Variants in STK10 observed in about 807,000 individuals in gnomAD.
STK10 encodes the protein serine/threonine kinase 10.
A neutral mutation model predicts 113.8 loss-of-function variants in STK10; 78 were observed. The ratio of observed to expected loss-of-function variants is 0.69; its 90% confidence interval spans 0.57 to 0.83. STK10 has a LOEUF of 0.83. STK10 is among the 40% of genes least tolerant of loss of function. STK10 has a pLI of 0.00. For missense variants in STK10, 1,109 were observed against 1,280.1 expected (o/e 0.87, Z 2.04); for synonymous variants, 465 against 494.7 (o/e 0.94, Z 0.80).
intron 3 of STK10, among the ~76,000 whole-genome samples, chr5:172,122,406 GC>G (rs1363234353): frequency 2.6e-5 from 4 of 151,936 alleles, no homozygotes; most frequent in South Asian, 4.1e-4. Context: ...CTATAGTCTT[GC>G]CTTTTTCTAA....
intron 2 of STK10, among the ~76,000 whole-genome samples, chr5:172,146,327 A>G (rs1440740031): frequency 6.6e-6 from 1 of 152,194 alleles, no homozygotes; most frequent in African/African-American, 2.4e-5. Context: ...TGCATGTGGA[A>G]TGCCAGACAC....
chr5:172,172,963 G>C (rs1333413164), intron 1 of STK10, among the ~76,000 whole-genome samples: 2 of 151,862 alleles, frequency 1.3e-5, no homozygotes, highest in Non-Finnish European at 2.9e-5. Context: ...CTGGGTGACA[G>C]AGCAAGACTC....
chr5:172,110,228 C>T (rs866303611), intron 4 of STK10, among the ~76,000 whole-genome samples: 30 of 152,236 alleles, frequency 2.0e-4, no homozygotes, highest in Admixed American at 4.6e-4. Flanking sequence ...AAGACAGGAC[C>T]GGGGCTACTC....
intron 1 of STK10, among the ~76,000 whole-genome samples, chr5:172,174,181 T>C (rs1214780971): frequency 6.6e-6 from 1 of 152,042 alleles, no homozygotes; most frequent in Non-Finnish European, 1.5e-5. Flanking sequence ...GTTGTTTAAT[T>C]TTTTTTTGAG....
chr5:172,149,169 A>T (rs1054972553), intron 2 of STK10, among the ~76,000 whole-genome samples: 6 of 152,182 alleles, frequency 3.9e-5, no homozygotes, highest in African/African-American at 1.4e-4. Flanking sequence ...AAAAGCAAAC[A>T]AACAAAACTC....
In STK10 at chr5:172,093,157, G is replaced by A. The variant is rs1768757725; in HGVS notation, c.1554+255C>T. Among the ~76,000 whole-genome samples the A allele has an allele frequency of 6.6e-6, 1 of 152,202 alleles. No homozygotes were observed. Among genetic ancestry groups the A allele is most frequent in the Non-Finnish European group, 1.5e-5 (1 of 68,046 alleles). On this transcript the variant is annotated intron_variant, in intron 9 of 18. Transcript: ENST00000176763. The surrounding 1 kb of genome is among the most constrained non-coding windows in gnomAD (Gnocchi z 4.1). ...AACTTCATTTGTAGCTAAGGCCTAA[G>A]AGTTCTCTCTCCCAAATTTTACCAG...
chr5:172,134,373 A>T (rs962697399), intron 2 of STK10, among the ~76,000 whole-genome samples: 5 of 152,176 alleles, frequency 3.3e-5, no homozygotes, highest in Non-Finnish European at 7.4e-5. Context: ...AGCTTTGGGG[A>T]TCTTCATTAT....
intron 1 of STK10, among the ~76,000 whole-genome samples, chr5:172,179,722 T>C (rs1171757644): frequency 6.6e-6 from 1 of 152,186 alleles, no homozygotes; most frequent in East Asian, 1.9e-4. Flanking sequence ...TTAAAAATAC[T>C]TGGCTGAGCG....
chr5:172,060,908 TTCTTC>T (rs1438588251), intron 14 of STK10, among the ~76,000 whole-genome samples: 1 of 152,236 alleles, frequency 6.6e-6, no homozygotes, highest in Non-Finnish European at 1.5e-5. Context: ...TTTCTTTCTT[TTCTTC>T]TCTTGACTTC....
chr5:172,105,495 G>C (rs975149097), intron 7 of STK10, 161 bp downstream of exon 7: 5 of 717,518 alleles, frequency 7.0e-6, no homozygotes, highest in Non-Finnish European at 7.0e-6. Flanking sequence ...TCCCAACACA[G>C]AGCTGGCATT....
intron 1 of STK10, among the ~76,000 whole-genome samples, chr5:172,162,210 G>A (rs933851947): frequency 1.3e-5 from 2 of 151,972 alleles, no homozygotes; most frequent in African/African-American, 4.8e-5. Context: ...GCAGGGTGGT[G>A]GGTGCCTGTA....
At chr5:172,174,661 C>A (rs1299775664) in intron 1 of STK10, among the ~76,000 whole-genome samples, 1 of 152,184 alleles carries the variant, frequency 6.6e-6, no homozygotes, top group Non-Finnish European at 1.5e-5. Context: ...CAGGCAGCTG[C>A]CACCATGGTC....
chr5:172,087,120 G>C, intron 10 of STK10, among the ~76,000 whole-genome samples: 1 of 147,570 alleles, frequency 6.8e-6, no homozygotes, highest in Non-Finnish European at 1.5e-5. Context: ...GTGTGTGTGT[G>C]TGTGTGTGTG....
At chr5:172,158,186 T>C (rs1047286284) in intron 1 of STK10, among the ~76,000 whole-genome samples, 11 of 152,032 alleles carry the variant, frequency 7.2e-5, no homozygotes, top group African/African-American at 2.7e-4. Flanking sequence ...GAATGTAAAA[T>C]GGTGCAGCCA....
chr5:172,045,503 A>G (rs530261546), intron 18 of STK10: 1 of 448,338 alleles, frequency 2.2e-6, no homozygotes, highest in African/African-American at 2.0e-5. Flanking sequence ...AACAAAAACA[A>G]AAACAAAATA....
At chr5:172,102,230 A>G (rs1769005758) in intron 7 of STK10, among the ~76,000 whole-genome samples, 1 of 152,230 alleles carries the variant, frequency 6.6e-6, no homozygotes, top group South Asian at 2.1e-4. Flanking sequence ...AAGTCTAGGC[A>G]CGTACCGAAT....
At chr5:172,168,166 A>G (rs1234717351) in intron 1 of STK10, among the ~76,000 whole-genome samples, 3 of 152,126 alleles carry the variant, frequency 2.0e-5, no homozygotes, top group African/African-American at 7.2e-5. Context: ...TGTATCAAAT[A>G]TGGTTCAGGC....
chr5:172,104,435 T>C (rs1769056600), intron 7 of STK10, among the ~76,000 whole-genome samples: 1 of 152,138 alleles, frequency 6.6e-6, no homozygotes, highest in Non-Finnish European at 1.5e-5. Flanking sequence ...CTCCCTCCAA[T>C]AGTTCAAAAA....
Position 172,061,141 on chromosome 5 carries a change from C to T in STK10, c.2210G>A (p.Arg737Gln), listed in dbSNP as rs763255823. The change falls in exon 14 of 19, where the codon CGA becomes CAA. Residue 737 changes from arginine (R) to glutamine (Q), a missense_variant and splice_region_variant. Physicochemically the swap from Arg to Gln is conservative, Grantham distance 43. Coordinates refer to ENST00000176763, the MANE Select transcript of STK10 (RefSeq NM_005990.4). ...ECLMKKQELL[R>Q]DREAALWEME... is the part of the protein sequence containing the mutation. ...CGCTGCCACTTGCACACCCCCACCTCGAAGGAGCTCCTGCTTCTTCATGAG... is the reference window on the plus strand; with the variant it reads ...CGCTGCCACTTGCACACCCCCACCTTGAAGGAGCTCCTGCTTCTTCATGAG... 1.9e-6 allele frequency: 3 copies of T among 1,610,248 alleles called. No homozygotes were observed. Among genetic ancestry groups the T allele is most frequent in the African/African-American group, 2.7e-5 (2 of 74,676 alleles).
Sources: gnomAD v4.1 joint callset for allele counts (sites outside exome capture counted in the v4.1 genomes callset) on GRCh38, gnomAD v4.1.1 for gene constraint, Gnocchi (gnomAD v3.1) non-coding constraint, MANE v1.5 for transcripts, NCBI Gene and HGNC (gene_info 2026-07-23, HGNC 2026-07-21) for gene names.